AGAP1: variants seen among roughly 807,000 people sequenced by gnomAD.
AGAP1 encodes arf-GAP with GTPase, ANK repeat and PH domain-containing protein 1.
In AGAP1, 29 loss-of-function variants were observed where a neutral mutation model predicts 105.3. The observed-to-expected ratio is 0.28, with a 90% CI of 0.21 to 0.38. The LOEUF is 0.38. Among genes scored for constraint, AGAP1 ranks in the 10% least tolerant of loss-of-function variants. AGAP1 has a pLI of 1.00. For synonymous variants in AGAP1, 509 were observed against 485.9 expected (o/e 1.05, Z -0.63); for missense variants, 998 against 1,165.1 (o/e 0.86, Z 2.09).
At chr2:235,810,479 C>T (rs1012345201) in intron 9 of AGAP1, among the ~76,000 whole-genome samples, 1 of 152,158 alleles carries the variant, frequency 6.6e-6, no homozygotes, top group African/African-American at 2.4e-5. Flanking sequence ...CAGCAGGAGT[C>T]TTGTAATGGA....
intron 9 of AGAP1, among the ~76,000 whole-genome samples, chr2:235,837,141 A>T (rs888560963): frequency 4.6e-5 from 7 of 152,174 alleles, no homozygotes; most frequent in African/African-American, 1.7e-4. Flanking sequence ...ATGCAACACC[A>T]CGCCTGGCTA....
chr2:235,936,208 T>C lies in AGAP1; in HGVS notation c.1483+5285T>C, dbSNP rs2125183614. 6.6e-6 allele frequency among the ~76,000 whole-genome samples: 1 copy of C among 152,300 alleles called. No homozygotes were observed. The highest frequency in any genetic ancestry group is 2.4e-5 in the African/African-American group (1 of 41,572). On this transcript the variant is annotated intron_variant, in intron 12 of 17. Transcript: ENST00000304032. This position sits in a 1 kb window ranked among gnomAD's most constrained non-coding sequence, Gnocchi z 4.7. ...CTTCCATGTGGCTCTTGAGCCTCACTTCCCTCGGCCTCCCCCAGGCCACCA... is the reference window on the plus strand; with the variant it reads ...CTTCCATGTGGCTCTTGAGCCTCACCTCCCTCGGCCTCCCCCAGGCCACCA...
At chr2:235,876,101 A>G (rs1269293665) in intron 9 of AGAP1, among the ~76,000 whole-genome samples, 1 of 152,132 alleles carries the variant, frequency 6.6e-6, no homozygotes, top group African/African-American at 2.4e-5. Context: ...CTCATCTCCA[A>G]TAGAGGTGTG....
At chr2:235,709,850 A>T (rs34689058) in intron 2 of AGAP1, among the ~76,000 whole-genome samples, 20,995 of 152,128 alleles carry the variant, frequency 0.14, 1,835 homozygotes, top group East Asian at 0.27. Flanking sequence ...CTACCGTAGG[A>T]TGGAAGGAAG....
At chr2:235,536,464 AT>A in intron 1 of AGAP1, among the ~76,000 whole-genome samples, 1 of 56,428 alleles carries the variant, frequency 1.8e-5, no homozygotes. Flanking sequence ...TGTTTGTGGC[AT>A]CCTACACACA....
Position 235,989,275 on chromosome 2 carries a change from T to C in AGAP1, c.1645+20652T>C. 6.6e-6 allele frequency among the ~76,000 whole-genome samples: 1 copy of C among 151,996 alleles called. No homozygotes were observed. Among genetic ancestry groups the C allele is most frequent in the East Asian group, 1.9e-4 (1 of 5,134 alleles). Reference sequence around the variant, plus strand: ...CCAGGTACTGTGTAGAGGTCGCTGCTGCGTGTGGCTTCACCCAGCTCCTCT... The same window carrying C: ...CCAGGTACTGTGTAGAGGTCGCTGCCGCGTGTGGCTTCACCCAGCTCCTCT... On this transcript the variant is annotated intron_variant, in intron 13 of 17. Coordinates refer to ENST00000304032, the MANE Select transcript of AGAP1 (RefSeq NM_001037131.3). This position sits in a 1 kb window ranked among gnomAD's most constrained non-coding sequence, Gnocchi z 4.4.
At chr2:235,597,912 G>A (rs1459624327) in intron 1 of AGAP1, among the ~76,000 whole-genome samples, 1 of 115,458 alleles carries the variant, frequency 8.7e-6, no homozygotes, top group Non-Finnish European at 1.8e-5. Context: ...GAGCGTGCAC[G>A]CGCTCCCGTG....
In AGAP1 at chr2:235,625,009, C is replaced by A. The variant is rs1415877627; in HGVS notation, c.164-84170C>A. On this transcript the variant is annotated intron_variant, in intron 1 of 17. Coordinates refer to ENST00000304032, the MANE Select transcript of AGAP1 (RefSeq NM_001037131.3). This position sits in a 1 kb window ranked among gnomAD's most constrained non-coding sequence, Gnocchi z 4.0. Reference sequence around the variant, plus strand: ...CACCAAAACAGATGCTGATGCCATGCTTTCTATACACTCTGCAGAACCGTG... The same window carrying A: ...CACCAAAACAGATGCTGATGCCATGATTTCTATACACTCTGCAGAACCGTG... 6.6e-6 allele frequency among the ~76,000 whole-genome samples: 1 copy of A among 152,168 alleles called. No individual in the cohort carries two copies. The highest frequency in any genetic ancestry group is 1.5e-5 in the Non-Finnish European group (1 of 68,034).
At position 235,573,061 on chromosome 2, in the gene AGAP1, T is replaced by TTCTTCTTCTTC. The variant is rs771569923; in HGVS notation, c.163+78213_163+78214insCTTCTTCTTCT. On this transcript the variant is annotated intron_variant, in intron 1 of 17. Transcript: ENST00000304032. ...CTTCTTCTTCTTCTTCTTCTTCTTCTTTCTTCTTTCTTCTTTCTTCTTTCT... is the reference window on the plus strand; with the variant it reads ...CTTCTTCTTCTTCTTCTTCTTCTTCTTCTTCTTCTTCTTCTTCTTTCTTCTTTCTTCTTTCT... Among the ~76,000 whole-genome samples the TTCTTCTTCTTC allele has an allele frequency of 1.8e-4, 12 of 67,370 alleles. 1 individual carries two copies. Among genetic ancestry groups the TTCTTCTTCTTC allele is most frequent in the South Asian group, 5.9e-4 (1 of 1,686 alleles). The allele number at this position is 67,370 out of a possible 152,430, so 44.2% of individuals were successfully genotyped here. A position where few individuals can be genotyped will look rare whatever the true frequency, so the allele number is the denominator to read the frequency against.
In AGAP1 at chr2:235,518,386, CAG is replaced by C. The variant is rs202111343; in HGVS notation, c.163+23539_163+23540del. Among the ~76,000 whole-genome samples the C allele has an allele frequency of 3.1e-3, 466 of 152,300 alleles. 6 individuals carry two copies. Among genetic ancestry groups the C allele is most frequent in the African/African-American group, 9.7e-3 (405 of 41,572 alleles). On this transcript the variant is annotated intron_variant, in intron 1 of 17. Coordinates refer to ENST00000304032, the MANE Select transcript of AGAP1 (RefSeq NM_001037131.3). Reference sequence around the variant, plus strand: ...TTTTCATAAAGAATATAAAAAGTGACAGAAATAAAATTGGCAATCAACCAAAT... The same window carrying C: ...TTTTCATAAAGAATATAAAAAGTGACAAATAAAATTGGCAATCAACCAAAT...
chr2:235,768,092 C>T (rs1045962951), intron 6 of AGAP1, among the ~76,000 whole-genome samples: 4 of 152,154 alleles, frequency 2.6e-5, no homozygotes, highest in Admixed American at 2.6e-4. Flanking sequence ...TGGCCAGAGT[C>T]TTCTAGTTTT....
At chr2:235,923,249 C>T (rs773042839) in intron 11 of AGAP1, among the ~76,000 whole-genome samples, 2 of 152,192 alleles carry the variant, frequency 1.3e-5, no homozygotes, top group Non-Finnish European at 2.9e-5. Flanking sequence ...CTGTTTGGGG[C>T]TGGGCCACTT....
intron 1 of AGAP1, among the ~76,000 whole-genome samples, chr2:235,671,597 A>G (rs992138547): frequency 1.1e-4 from 17 of 152,140 alleles, no homozygotes; most frequent in African/African-American, 4.1e-4. Flanking sequence ...CTGTAAGGAC[A>G]CCTCACTACA....
intron 1 of AGAP1, among the ~76,000 whole-genome samples, chr2:235,695,698 C>T (rs879691114): frequency 5.9e-5 from 9 of 152,106 alleles, no homozygotes; most frequent in Admixed American, 5.9e-4. Context: ...GAGGGCCGGG[C>T]GCAGTGGGGG....
intron 9 of AGAP1, among the ~76,000 whole-genome samples, chr2:235,837,143 G>A (rs1004132027): frequency 2.0e-5 from 3 of 152,044 alleles, no homozygotes; most frequent in African/African-American, 7.2e-5. Context: ...GCAACACCAC[G>A]CCTGGCTAAT....
chr2:235,838,826 C>A (rs1194694284), intron 9 of AGAP1, among the ~76,000 whole-genome samples: 1 of 152,196 alleles, frequency 6.6e-6, no homozygotes, highest in Non-Finnish European at 1.5e-5. Flanking sequence ...AAGCCTCTCT[C>A]TCTGACCCTA....
Position 235,953,694 on chromosome 2 carries a change from G to A in AGAP1, c.1484-14768G>A, listed in dbSNP as rs2053834237. Among the ~76,000 whole-genome samples the A allele has an allele frequency of 6.6e-6, 1 of 152,170 alleles. No homozygotes were observed. Among genetic ancestry groups the A allele is most frequent in the African/African-American group, 2.4e-5 (1 of 41,438 alleles). On this transcript the variant is annotated intron_variant, in intron 12 of 17. Transcript: ENST00000304032. This position sits in a 1 kb window ranked among gnomAD's most constrained non-coding sequence, Gnocchi z 5.2. Reference sequence around the variant, plus strand: ...GCCTGTAATCTCAGTGCTTTGGGAGGCCAAAGCAGAAGGATCACTCAAGCT... The same window carrying A: ...GCCTGTAATCTCAGTGCTTTGGGAGACCAAAGCAGAAGGATCACTCAAGCT...
At chr2:235,932,486 GGCC>G (rs1344810456) in intron 12 of AGAP1, among the ~76,000 whole-genome samples, 4 of 152,166 alleles carry the variant, frequency 2.6e-5, no homozygotes, top group African/African-American at 9.7e-5. Flanking sequence ...TTCATTCTGT[GGCC>G]GCCATCTCGT....
chr2:236,006,698 A>G (rs2056334093), intron 13 of AGAP1, among the ~76,000 whole-genome samples: 1 of 152,206 alleles, frequency 6.6e-6, no homozygotes, highest in African/African-American at 2.4e-5. Flanking sequence ...TAGAGTCTCC[A>G]ACAAAGGTCT....
Sources: gnomAD v4.1 joint callset for allele counts (sites outside exome capture counted in the v4.1 genomes callset) on GRCh38, gnomAD v4.1.1 for gene constraint, Gnocchi (gnomAD v3.1) non-coding constraint, MANE v1.5 for transcripts, NCBI Gene and HGNC (gene_info 2026-07-23, HGNC 2026-07-21) for gene names.